Variants in NUP93 observed in about 807,000 individuals in gnomAD.
NUP93 encodes nuclear pore complex protein Nup93.
NUP93 carries 55 observed loss-of-function variants against 107.8 expected under a neutral mutation model. The observed-to-expected ratio is 0.51, with a 90% CI of 0.41 to 0.64. The LOEUF (loss-of-function observed/expected upper bound fraction) is 0.64. NUP93 is among the 30% of genes least tolerant of loss of function. The pLI is 0.00. For missense variants in NUP93, 937 were observed against 1,044.7 expected (o/e 0.90, Z 1.42); for synonymous variants, 390 against 397.5 (o/e 0.98, Z 0.22).
At chr16:56,837,580 G>T in intron 17 of NUP93, 28 bp from the exon 18 acceptor site, 1 of 1,512,154 alleles carries the variant, frequency 6.6e-7, no homozygotes, top group Non-Finnish European at 9.2e-7. Flanking sequence ...TTTATTGATT[G>T]CTTCCTTAAT....
intron 3 of NUP93, among the ~76,000 whole-genome samples, chr16:56,783,112 C>T (rs548210575): frequency 6.6e-6 from 1 of 152,284 alleles, no homozygotes; most frequent in South Asian, 2.1e-4. Context: ...TAAAAAGCAG[C>T]TTGTTTGTTG....
At chr16:56,744,673 A>G (rs1283915172) in intron 1 of NUP93, among the ~76,000 whole-genome samples, 2 of 152,114 alleles carry the variant, frequency 1.3e-5, no homozygotes, top group Non-Finnish European at 2.9e-5. Context: ...CTTTCTATAT[A>G]TATCTGTTTC....
rs1402255781 is a variant in NUP93, at chr16:56,844,887, A to G, written c.*278A>G. ...GGCCAGGGAATGAGAGGCTATGTAG[A>G]TATTCATTATTTGGTTAAATTGACC... On this transcript the variant is annotated 3_prime_UTR_variant, in exon 22 of 22. Coordinates refer to ENST00000308159, the MANE Select transcript of NUP93 (RefSeq NM_014669.5). The G allele has an allele frequency of 1.8e-5, 7 of 394,988 alleles. No individual in the cohort carries two copies. Among genetic ancestry groups the G allele is most frequent in the Non-Finnish European group, 2.2e-5 (5 of 224,376 alleles). 24.5% of individuals were successfully genotyped at this position (394,988 alleles called of 1,614,324 possible).
chr16:56,757,325 A>G (rs1254916437), intron 2 of NUP93, among the ~76,000 whole-genome samples: 1 of 152,242 alleles, frequency 6.6e-6, no homozygotes, highest in African/African-American at 2.4e-5. Flanking sequence ...ACAGTCTACA[A>G]ATTAATGGGC....
rs781227869 is a variant in NUP93, at chr16:56,833,292, G to T, written c.1423G>T (p.Ala475Ser). 1.2e-6 allele frequency: 2 copies of T among 1,607,178 alleles called. No homozygotes were observed. Among genetic ancestry groups the T allele is most frequent in the Non-Finnish European group, 1.7e-6 (2 of 1,177,806 alleles). ...GTTCCTGACAGCGCAGTTTGAAGCAGCAGTTGCCTTTCTTTTCCGCATGGA... is the reference window on the plus strand; with the variant it reads ...GTTCCTGACAGCGCAGTTTGAAGCATCAGTTGCCTTTCTTTTCCGCATGGA... ...VLFLTAQFEAAVAFLFRMERL... is the reference protein window; with the variant it reads ...VLFLTAQFEASVAFLFRMERL... Residue 475 changes from alanine to serine, a missense_variant, in exon 13 of 22, where the codon GCA becomes TCA. Physicochemically the swap from Ala to Ser is moderately conservative, Grantham distance 99 (BLOSUM62 1). Coordinates refer to ENST00000308159, the MANE Select transcript of NUP93 (RefSeq NM_014669.5).
Position 56,748,330 on chromosome 16 carries a change from A to G in NUP93, c.83A>G (p.His28Arg). Residue 28 changes from histidine (H) to arginine (R), a missense_variant, in exon 2 of 22, where the codon CAT becomes CGT. Transcript: ENST00000308159. ...AETEGISELP[H>R]VERNLQEIQQ... ...ACTGAGGGCATCTCAGAGCTTCCCC[A>G]TGTGGAACGGAACTTACAGGAGATC... 6.2e-7 allele frequency: 1 copy of G among 1,614,098 alleles called. No individual in the cohort carries two copies.
chr16:56,796,712 T>G (rs1596810909), intron 3 of NUP93, among the ~76,000 whole-genome samples: 1 of 152,132 alleles, frequency 6.6e-6, no homozygotes, highest in Non-Finnish European at 1.5e-5. Context: ...GGTACGGTGG[T>G]TCACACCTGT....
intron 4 of NUP93, 42 bp from the exon 5 acceptor site, chr16:56,805,462 T>G: frequency 1.2e-6 from 2 of 1,605,890 alleles, no homozygotes; most frequent in Non-Finnish European, 8.5e-7. Context: ...GTTTTTTTTG[T>G]TTTTTTCCTG....
At chr16:56,730,995 T>C (rs1337207767) in intron 1 of NUP93, among the ~76,000 whole-genome samples, 4 of 152,226 alleles carry the variant, frequency 2.6e-5, no homozygotes, top group African/African-American at 7.2e-5. Context: ...TTGTATTCTT[T>C]CCAGGGTATG....
At position 56,748,262 on chromosome 16, in the gene NUP93, G is replaced by A. The variant is rs1245971309; in HGVS notation, c.15G>A (p.Gly5=). 6.2e-7 allele frequency: 1 copy of A among 1,612,064 alleles called. No individual in the cohort carries two copies. The highest frequency in any genetic ancestry group is 1.1e-5 in the South Asian group (1 of 91,002). The part of the protein sequence containing the change: MDTE[G]FGELLQQAEQ... ...CTGCATCTCCAATGGATACTGAGGG[G>A]TTTGGTGAGCTCCTTCAGCAAGCTG... Residue 5 remains glycine (G), a synonymous_variant, in exon 2 of 22, where the codon GGG becomes GGA. Coordinates refer to ENST00000308159, the MANE Select transcript of NUP93 (RefSeq NM_014669.5).
At chr16:56,746,849 C>T (rs763602672) in intron 1 of NUP93, among the ~76,000 whole-genome samples, 19 of 152,172 alleles carry the variant, frequency 1.2e-4, no homozygotes, top group African/African-American at 3.6e-4. Flanking sequence ...CGGAAGTTGC[C>T]GTTGAGTCAA....
intron 12 of NUP93, 82 bp downstream of exon 12, chr16:56,832,470 C>T: frequency 1.9e-6 from 2 of 1,045,936 alleles, no homozygotes; most frequent in Non-Finnish European, 3.0e-6. Flanking sequence ...GAAAATTTTT[C>T]ATCTCTGAAC....
At chr16:56,816,938 G>A (rs1404728943) in intron 5 of NUP93, among the ~76,000 whole-genome samples, 1 of 152,052 alleles carries the variant, frequency 6.6e-6, no homozygotes, top group Non-Finnish European at 1.5e-5. Context: ...TTATTCGGTT[G>A]GTGCAAAAGT....
rs1297353473 is a variant in NUP93 at position 56,841,790 on chromosome 16, C to T, written c.2306C>T (p.Ser769Phe). The T allele has an allele frequency of 6.2e-7, 1 of 1,614,110 alleles. No individual in the cohort carries two copies. Among genetic ancestry groups the T allele is most frequent in the East Asian group, 2.2e-5 (1 of 44,898 alleles). ...AAGAGGCTCAAGGGGACAAGTCCAT[C>T]CTCGTCATCCAGGCCCCAGCGAGTC... Reference protein sequence around the residue: ...QFKRLKGTSPSSSSRPQRVIE... With the variant: ...QFKRLKGTSPFSSSRPQRVIE... Residue 769 changes from serine to phenylalanine, a missense_variant, in exon 21 of 22, where the codon TCC becomes TTC. Ser to Phe is a radical substitution (Grantham distance 155, BLOSUM62 -2). Transcript: ENST00000308159.
At chr16:56,777,647 T>C (rs1962439033) in intron 3 of NUP93, among the ~76,000 whole-genome samples, 1 of 152,220 alleles carries the variant, frequency 6.6e-6, no homozygotes, top group African/African-American at 2.4e-5. Context: ...GCCATACCAC[T>C]GACTTTGGGT....
chr16:56,763,142 T>C (rs1399380650), intron 3 of NUP93, among the ~76,000 whole-genome samples: 1 of 152,188 alleles, frequency 6.6e-6, no homozygotes, highest in African/African-American at 2.4e-5. Flanking sequence ...ATGAAACATC[T>C]TCAAATCTAA....
At chr16:56,810,974 C>A (rs1442944707) in intron 5 of NUP93, among the ~76,000 whole-genome samples, 4 of 152,186 alleles carry the variant, frequency 2.6e-5, no homozygotes, top group Admixed American at 2.6e-4. Flanking sequence ...TTAAGCCATT[C>A]ATTCTCATGG....
intron 5 of NUP93, among the ~76,000 whole-genome samples, chr16:56,812,813 C>T (rs1963344637): frequency 6.6e-6 from 1 of 152,156 alleles, no homozygotes; most frequent in African/African-American, 2.4e-5. Flanking sequence ...AAATGATGTG[C>T]TTTGAAACAA....
At chr16:56,803,219 G>A (rs1427471539) in intron 4 of NUP93, among the ~76,000 whole-genome samples, 1 of 152,146 alleles carries the variant, frequency 6.6e-6, no homozygotes, top group Non-Finnish European at 1.5e-5. Context: ...AGCACTTTGG[G>A]AGGCCAAGGC....
Sources: allele counts gnomAD v4.1 joint callset (sites outside exome capture counted in the v4.1 genomes callset), GRCh38; gene constraint gnomAD v4.1.1; transcripts MANE v1.5; gene names NCBI Gene and HGNC (gene_info 2026-07-23, HGNC 2026-07-21).